PANK2: variants seen among roughly 807,000 people sequenced by gnomAD.
PANK2 encodes pantothenate kinase 2.
A neutral mutation model predicts 43.1 loss-of-function variants in PANK2; 36 were observed. The observed-to-expected ratio is 0.84, with a 90% CI of 0.64 to 1.10. The LOEUF (loss-of-function observed/expected upper bound fraction) is 1.10. PANK2 is among the 50% of genes least tolerant of loss of function. The probability of loss-of-function intolerance (pLI) is 0.00; values close to 1 mark genes in which losing one functional copy is unlikely to be tolerated. For synonymous variants in PANK2, 281 were observed against 238.2 expected (o/e 1.18, Z -1.66); for missense variants, 576 against 593.3 (o/e 0.97, Z 0.30).
chr20:3,912,175 G>A (rs760807016), intron 3 of PANK2, among the ~76,000 whole-genome samples: 3 of 152,286 alleles, frequency 2.0e-5, no homozygotes, highest in East Asian at 1.9e-4. Context: ...GGCCCCAGGC[G>A]TGTCAGGCTA....
At chr20:3,912,667 G>C in intron 4 of PANK2, 33 bp downstream of exon 4, 1 of 1,610,482 alleles carries the variant, frequency 6.2e-7, no homozygotes, top group South Asian at 1.1e-5. Context: ...AGAAATACAG[G>C]CGGGCCGGGC....
intron 4 of PANK2, among the ~76,000 whole-genome samples, chr20:3,913,790 A>ATATATATT (rs1237943840): frequency 2.2e-5 from 3 of 138,476 alleles, no homozygotes; most frequent in Non-Finnish European, 4.6e-5. Context: ...ATATATATAT[A>ATATATATT]TTTTTTTTTT....
chr20:3,922,882 A>G (rs553546397), intron 6 of PANK2, among the ~76,000 whole-genome samples: 1 of 152,230 alleles, frequency 6.6e-6, no homozygotes, highest in Admixed American at 6.5e-5. Flanking sequence ...TTGTCTGGAA[A>G]TGCTCCAGGC....
At chr20:3,903,199 C>T (rs2090332364) in intron 1 of PANK2, among the ~76,000 whole-genome samples, 1 of 150,794 alleles carries the variant, frequency 6.6e-6, no homozygotes. Context: ...GGCTGGAGTA[C>T]AGTGGTGCAA....
intron 1 of PANK2, among the ~76,000 whole-genome samples, chr20:3,893,144 A>G (rs2090151004): frequency 6.6e-6 from 1 of 152,104 alleles, no homozygotes; most frequent in Non-Finnish European, 1.5e-5. Context: ...TTTTATCCCC[A>G]ATTTCCAGAT....
At chr20:3,909,505 A>C (rs2090436085) in intron 2 of PANK2, among the ~76,000 whole-genome samples, 2 of 152,198 alleles carry the variant, frequency 1.3e-5, no homozygotes, top group South Asian at 4.1e-4. Context: ...TGTTGGAATT[A>C]CAGGTGTGAG....
intron 6 of PANK2, among the ~76,000 whole-genome samples, chr20:3,922,970 C>T (rs878964053): frequency 1.3e-5 from 2 of 152,200 alleles, no homozygotes; most frequent in South Asian, 4.1e-4. Flanking sequence ...TGCTGCTGGC[C>T]TCATAGCTCC....
rs1379166726 is a variant in PANK2 at position 3,928,382 on chromosome 20, C to T, written c.*5088C>T. 1 of 152,204 alleles carries T rather than the reference C, an allele frequency of 6.6e-6. No individual in the cohort carries two copies. The highest frequency in any genetic ancestry group is 6.5e-5 in the Admixed American group (1 of 15,280). The allele number at this position is 152,204 out of a possible 1,614,324, so 9.4% of individuals were successfully genotyped here. A position where few individuals can be genotyped will look rare whatever the true frequency, so the allele number is the denominator to read the frequency against. ...TGGGCAGCTGCTGGGAAGCGAGGCA[C>T]AAGTCTGTGCCCCTACTCCCAGGGC... On this transcript the variant is annotated 3_prime_UTR_variant, in exon 7 of 7. Coordinates refer to ENST00000610179, the MANE Select transcript of PANK2 (RefSeq NM_001386393.1).
chr20:3,889,182 T>A, upstream of PANK2: 7 of 1,610,444 alleles, frequency 4.3e-6, no homozygotes, highest in Non-Finnish European at 5.9e-6. Context: ...CCGCCTTCTC[T>A]TCCTCCGCGG....
At chr20:3,900,954 A>C in intron 1 of PANK2, among the ~76,000 whole-genome samples, 1 of 151,668 alleles carries the variant, frequency 6.6e-6, no homozygotes, top group East Asian at 1.9e-4. Context: ...TTTTTAGTAG[A>C]GATGGGGGTT....
rs757086483 is a variant in PANK2 at position 3,929,184 on chromosome 20, CAG to C, written c.*5893_*5894del. The C allele has an allele frequency of 1.2e-4, 19 of 152,166 alleles. No individual in the cohort carries two copies. The highest frequency in any genetic ancestry group is 4.1e-4 in the African/African-American group (17 of 41,428). 9.4% of individuals were successfully genotyped at this position (152,166 alleles called of 1,614,324 possible). Reference sequence around the variant, plus strand: ...GCATTTTCTTTTCAAAGTGTGTGCACAGAGTGAGGAGGCCAGCCTGGGCAACA... The same window carrying C: ...GCATTTTCTTTTCAAAGTGTGTGCACAGTGAGGAGGCCAGCCTGGGCAACA... On this transcript the variant is annotated 3_prime_UTR_variant, in exon 7 of 7. Coordinates refer to ENST00000610179, the MANE Select transcript of PANK2 (RefSeq NM_001386393.1).
intron 1 of PANK2, among the ~76,000 whole-genome samples, chr20:3,901,184 G>C (rs1487970785): frequency 6.6e-6 from 1 of 150,978 alleles, no homozygotes; most frequent in East Asian, 2.0e-4. Context: ...AGCCCCTGGA[G>C]TAGCTGGGAC....
chr20:3,907,559 A>G (rs923886189), intron 1 of PANK2, among the ~76,000 whole-genome samples: 2 of 152,068 alleles, frequency 1.3e-5, no homozygotes, highest in South Asian at 2.1e-4. Flanking sequence ...TGAAGTCTCA[A>G]TGTTTTTTTT....
intron 1 of PANK2, among the ~76,000 whole-genome samples, 190 bp from the exon 2 acceptor site, chr20:3,907,736 T>C (rs2090409482): frequency 6.6e-6 from 1 of 152,208 alleles, no homozygotes. Flanking sequence ...TTTTCGTCTT[T>C]GCCGTAGTAT....
chr20:3,910,303 T>TTTG (rs1555788173), intron 2 of PANK2, among the ~76,000 whole-genome samples: 4 of 150,632 alleles, frequency 2.7e-5, no homozygotes, highest in African/African-American at 9.8e-5. Context: ...TGGTTTTTTT[T>TTTG]TTTTGTTTTT....
Position 3,924,214 on chromosome 20 carries a change from G to A in PANK2, c.*920G>A, listed in dbSNP as rs2090688974. The A allele has an allele frequency of 6.6e-6, 1 of 152,292 alleles. No homozygotes were observed. The highest frequency in any genetic ancestry group is 1.9e-4 in the East Asian group (1 of 5,200). 9.4% of individuals were successfully genotyped at this position (152,292 alleles called of 1,614,324 possible). On this transcript the variant is annotated 3_prime_UTR_variant, in exon 7 of 7. Coordinates refer to ENST00000610179, the MANE Select transcript of PANK2 (RefSeq NM_001386393.1). The stretch of plus-strand genomic sequence containing the variant: ...CCAGGCTGCAGGTGCTCTTGGTAGG[G>A]GCTGAAGCTTTTCTTTCTGCTTTGC...
At chr20:3,900,922 C>G (rs1403582163) in intron 1 of PANK2, among the ~76,000 whole-genome samples, 1 of 151,870 alleles carries the variant, frequency 6.6e-6, no homozygotes, top group Non-Finnish European at 1.5e-5. Context: ...GTGTGCACCA[C>G]CACACCTGGC....
Position 3,924,892 on chromosome 20 carries a change from GC to G in PANK2, c.*1602del. On this transcript the variant is annotated 3_prime_UTR_variant, in exon 7 of 7. Coordinates refer to ENST00000610179, the MANE Select transcript of PANK2 (RefSeq NM_001386393.1). ...CCCATGGAGACCGAGGCCAGGGCCT[GC>G]CCCTCTGAGGCCCCTGTTTTGTGGT... is the stretch of plus-strand genomic sequence containing the variant. 1 of 153,050 alleles carries G rather than the reference GC, an allele frequency of 6.5e-6. No homozygotes were observed. The highest frequency in any genetic ancestry group is 1.5e-5 in the Non-Finnish European group (1 of 68,628). The allele number at this position is 153,050 out of a possible 1,614,324, so 9.5% of individuals were successfully genotyped here. A position where few individuals can be genotyped will look rare whatever the true frequency, so the allele number is the denominator to read the frequency against.
chr20:3,920,450 G>A (rs2090628585), intron 6 of PANK2, among the ~76,000 whole-genome samples: 1 of 152,192 alleles, frequency 6.6e-6, no homozygotes, highest in African/African-American at 2.4e-5. Flanking sequence ...CTGGGAGGCG[G>A]AGGTTGCAGT....
Sources: allele counts gnomAD v4.1 joint callset (sites outside exome capture counted in the v4.1 genomes callset), GRCh38; gene constraint gnomAD v4.1.1; transcripts MANE v1.5; gene names NCBI Gene and HGNC (gene_info 2026-07-23, HGNC 2026-07-21).